The following PRORP variants were observed in gnomAD, a reference collection of about 807,000 sequenced individuals.
PRORP encodes mitochondrial ribonuclease P catalytic subunit.
PRORP carries 51 observed loss-of-function variants against 59.4 expected under a neutral mutation model. That is an observed-to-expected ratio of 0.86 (90% CI 0.69 to 1.08). The LOEUF is 1.08. PRORP is among the 50% of genes least tolerant of loss of function. PRORP has a pLI of 0.00. For missense variants in PRORP, 646 were observed against 690.3 expected, an observed-to-expected ratio of 0.94 and a Z score of 0.72; for synonymous variants, 231 against 245.6, an observed-to-expected ratio of 0.94 and a Z score of 0.55.
intron 5 of PRORP, among the ~76,000 whole-genome samples, chr14:35,243,435 C>A (rs888519567): frequency 6.6e-6 from 1 of 151,462 alleles, no homozygotes; most frequent in Admixed American, 6.6e-5. Context: ...ACTTGGGAGG[C>A]TGAGGCAGGA....
intron 5 of PRORP, among the ~76,000 whole-genome samples, chr14:35,244,373 A>G (rs1435760087): frequency 6.6e-6 from 1 of 152,162 alleles, no homozygotes; most frequent in Non-Finnish European, 1.5e-5. Context: ...TTTATTAAAT[A>G]TAATTTAATG....
intron 4 of PRORP, among the ~76,000 whole-genome samples, chr14:35,166,274 A>AT (rs1396855265): frequency 2.0e-5 from 3 of 150,888 alleles, no homozygotes; most frequent in African/African-American, 4.9e-5. Flanking sequence ...CTGCTGTTGC[A>AT]TTTTTTTTCA....
chr14:35,238,056 T>C (rs1003025118), intron 5 of PRORP, among the ~76,000 whole-genome samples: 39 of 152,208 alleles, frequency 2.6e-4, no homozygotes, highest in Admixed American at 3.9e-4. Context: ...CTTTTTTTTT[T>C]TTCTCTGCGT....
chr14:35,146,889 C>G (rs539451380), intron 4 of PRORP, among the ~76,000 whole-genome samples: 1 of 152,070 alleles, frequency 6.6e-6, no homozygotes. Context: ...GCCAGGAGTT[C>G]GACACCAGCC....
intron 5 of PRORP, among the ~76,000 whole-genome samples, chr14:35,216,126 TATATA>T (rs796493996): frequency 4.1e-5 from 6 of 147,678 alleles, no homozygotes; most frequent in South Asian, 2.1e-4. Flanking sequence ...TTATATATAA[TATATA>T]ATATATTTAT....
intron 4 of PRORP, among the ~76,000 whole-genome samples, chr14:35,167,979 T>C (rs558153614): frequency 1.3e-5 from 2 of 152,352 alleles, no homozygotes; most frequent in South Asian, 2.1e-4. Context: ...TTAAAGCAAC[T>C]GGCTTTAACA....
At chr14:35,163,786 T>A (rs934657667) in intron 4 of PRORP, among the ~76,000 whole-genome samples, 3 of 152,194 alleles carry the variant, frequency 2.0e-5, no homozygotes, top group African/African-American at 7.2e-5. Flanking sequence ...AGGTCCCACT[T>A]GTCAATTTTT....
chr14:35,219,910 G>A (rs1157564251), intron 5 of PRORP, among the ~76,000 whole-genome samples: 1 of 152,052 alleles, frequency 6.6e-6, no homozygotes, highest in African/African-American at 2.4e-5. Context: ...CTAGAAAAAA[G>A]TTTCTTAAAT....
At chr14:35,253,343 AAGAGAGAG>A (rs199840591) in intron 5 of PRORP, among the ~76,000 whole-genome samples, 12 of 143,212 alleles carry the variant, frequency 8.4e-5, no homozygotes, top group South Asian at 6.5e-4. Flanking sequence ...AAAAAAAAAA[AAGAGAGAG>A]AGAGAGAAAG....
At chr14:35,199,332 T>TAA (rs1167921225) in intron 5 of PRORP, among the ~76,000 whole-genome samples, 44 of 107,090 alleles carry the variant, frequency 4.1e-4, no homozygotes, top group Middle Eastern at 4.9e-3. Context: ...AGACTCCATC[T>TAA]AAAAAAAAAA....
chr14:35,219,521 G>A (rs1427539935), intron 5 of PRORP, among the ~76,000 whole-genome samples: 2 of 152,338 alleles, frequency 1.3e-5, no homozygotes, highest in East Asian at 1.9e-4. Context: ...TACTTGAAAA[G>A]TATTTGGTGG....
intron 4 of PRORP, among the ~76,000 whole-genome samples, chr14:35,140,972 T>C (rs887360615): frequency 3.4e-5 from 5 of 146,346 alleles, no homozygotes; most frequent in African/African-American, 9.7e-5. Flanking sequence ...GGTTAAAGGA[T>C]TTGTTGAACT....
At chr14:35,230,288 G>A (rs2050043513) in intron 5 of PRORP, among the ~76,000 whole-genome samples, 1 of 152,136 alleles carries the variant, frequency 6.6e-6, no homozygotes, top group African/African-American at 2.4e-5. Context: ...CTGGACTCAA[G>A]CAATCCACCC....
chr14:35,233,491 A>G (rs994431295), intron 5 of PRORP, among the ~76,000 whole-genome samples: 1 of 149,518 alleles, frequency 6.7e-6, no homozygotes, highest in Non-Finnish European at 1.5e-5. Flanking sequence ...CATTCTAACA[A>G]TTGCCAACGT....
chr14:35,218,749 C>T (rs1280680427), intron 5 of PRORP, among the ~76,000 whole-genome samples: 2 of 151,894 alleles, frequency 1.3e-5, no homozygotes, highest in African/African-American at 2.4e-5. Flanking sequence ...TGGTCTTGAA[C>T]TCCTGACCTC....
intron 5 of PRORP, among the ~76,000 whole-genome samples, chr14:35,209,767 C>G (rs1305446132): frequency 6.6e-6 from 1 of 152,152 alleles, no homozygotes; most frequent in African/African-American, 2.4e-5. Flanking sequence ...AACTCCTGAC[C>G]TCAGGTGATC....
intron 5 of PRORP, among the ~76,000 whole-genome samples, chr14:35,238,157 A>C (rs1334793495): frequency 6.6e-6 from 1 of 152,098 alleles, no homozygotes; most frequent in East Asian, 1.9e-4. Context: ...TCATTTTACA[A>C]ATGAGAAAAC....
chr14:35,237,102 T>C (rs961436810), intron 5 of PRORP, among the ~76,000 whole-genome samples: 5 of 137,682 alleles, frequency 3.6e-5, no homozygotes, highest in African/African-American at 1.0e-4. Flanking sequence ...CTCTCTCTCT[T>C]TCTCTCTCTC....
At chr14:35,228,765 CA>C (rs2050001476) in intron 5 of PRORP, among the ~76,000 whole-genome samples, 1 of 152,194 alleles carries the variant, frequency 6.6e-6, no homozygotes, top group Non-Finnish European at 1.5e-5. Flanking sequence ...TTGCGATGAA[CA>C]TATGAGTGCA....
Sources: gnomAD v4.1 joint callset for allele counts (sites outside exome capture counted in the v4.1 genomes callset) on GRCh38, gnomAD v4.1.1 for gene constraint, MANE v1.5 for transcripts, NCBI Gene and HGNC (gene_info 2026-07-23, HGNC 2026-07-21) for gene names.